Variants in RETREG1 observed in about 807,000 individuals in gnomAD.
RETREG1 encodes reticulophagy regulator 1, also known as family with sequence similarity 134 member B.
A neutral mutation model predicts 54.8 loss-of-function variants in RETREG1; 44 were observed. That is an observed-to-expected ratio of 0.80 (90% CI 0.63 to 1.03). The LOEUF (loss-of-function observed/expected upper bound fraction) is 1.03. Among genes scored for constraint, RETREG1 ranks in the 50% least tolerant of loss-of-function variants. The probability of loss-of-function intolerance (pLI) is 0.00; values close to 1 mark genes in which losing one functional copy is unlikely to be tolerated. For missense variants in RETREG1, 554 were observed against 605.1 expected (o/e 0.92, Z 0.89); for synonymous variants, 217 against 238.5 (o/e 0.91, Z 0.83).
intron 3 of RETREG1, among the ~76,000 whole-genome samples, chr5:16,512,889 G>A (rs1186918131): frequency 1.3e-5 from 2 of 152,084 alleles, no homozygotes; most frequent in South Asian, 2.1e-4. Flanking sequence ...GCCAGAAACG[G>A]GATTCAAAGT....
rs182364763 is a variant in RETREG1 at position 16,478,023 on chromosome 5, A to G, written c.873+11T>C. ...CACACAGGAACAAATTGAAAACTAA[A>G]CAAAAAATACCTTAGGACAAAGAGC... On this transcript the variant is annotated intron_variant, in intron 7 of 8. Coordinates refer to ENST00000306320, the MANE Select transcript of RETREG1 (RefSeq NM_001034850.3). 2.4e-5 allele frequency: 38 copies of G among 1,600,698 alleles called. No individual in the cohort carries two copies. In the East Asian group the frequency reaches 8.0e-4, roughly 34 times the overall value.
At chr5:16,478,786 T>G in intron 6 of RETREG1, 64 bp downstream of exon 6, 1 of 1,481,532 alleles carries the variant, frequency 6.7e-7, no homozygotes, top group Non-Finnish European at 9.4e-7. Flanking sequence ...TTAAAGAATT[T>G]CCTAAAAATA....
intron 3 of RETREG1, among the ~76,000 whole-genome samples, chr5:16,540,375 G>T (rs970026963): frequency 1.3e-5 from 2 of 152,198 alleles, no homozygotes; most frequent in African/African-American, 4.8e-5. Context: ...GTGGGCTAAT[G>T]TCACACAGGA....
chr5:16,549,022 C>G (rs1163134335), intron 3 of RETREG1, among the ~76,000 whole-genome samples: 1 of 152,230 alleles, frequency 6.6e-6, no homozygotes, highest in African/African-American at 2.4e-5. Flanking sequence ...CCTGTCCAAG[C>G]AGCCTCATCA....
intron 1 of RETREG1, among the ~76,000 whole-genome samples, chr5:16,574,302 C>G (rs781325209): frequency 1.3e-5 from 2 of 152,020 alleles, no homozygotes; most frequent in African/African-American, 2.4e-5. Context: ...AAGCAGAATG[C>G]GCAGTAAGTC....
At chr5:16,521,609 T>C (rs1740536735) in intron 3 of RETREG1, among the ~76,000 whole-genome samples, 1 of 152,212 alleles carries the variant, frequency 6.6e-6, no homozygotes, top group Non-Finnish European at 1.5e-5. Flanking sequence ...CAGAGGTCTT[T>C]GTGGATAGTA....
intron 8 of RETREG1, among the ~76,000 whole-genome samples, chr5:16,476,145 A>C (rs1738528309): frequency 6.6e-6 from 1 of 152,172 alleles, no homozygotes; most frequent in African/African-American, 2.4e-5. Context: ...AAGGTGAGGA[A>C]ATTGAGATCC....
In RETREG1 at chr5:16,576,542, A is replaced by G. The variant is rs1579700717; in HGVS notation, c.321-4440T>C. The stretch of plus-strand genomic sequence containing the variant: ...CTCTTGTTGCCCAGGCTGGAGTGCA[A>G]TGGCACGATCTCGGCTCACCGCAAC... On this transcript the variant is annotated intron_variant, in intron 1 of 8. Transcript: ENST00000306320. Among the ~76,000 whole-genome samples, 6 of 151,298 alleles carry G rather than the reference A, an allele frequency of 4.0e-5. No homozygotes were observed. The South Asian group carries it at 1.3e-3, about 32-fold the overall frequency.
At chr5:16,482,820 C>G (rs1208959490) in intron 4 of RETREG1, among the ~76,000 whole-genome samples, 1 of 152,108 alleles carries the variant, frequency 6.6e-6, no homozygotes, top group Non-Finnish European at 1.5e-5. Flanking sequence ...ACACTTCCCC[C>G]TCATGGGTTT....
In RETREG1 at chr5:16,597,782, G is replaced by A. The variant is rs1183554137; in HGVS notation, c.320+18870C>T. ...CAAAGAACCAATCACATCAGTGCCA[G>A]GGGTTGTTTGTAATGGCCCGTCAGT... On this transcript the variant is annotated intron_variant, in intron 1 of 8. Coordinates refer to ENST00000306320, the MANE Select transcript of RETREG1 (RefSeq NM_001034850.3). This position sits in a 1 kb window ranked among gnomAD's most constrained non-coding sequence, Gnocchi z 4.3. Among the ~76,000 whole-genome samples the A allele has an allele frequency of 1.3e-5, 2 of 152,150 alleles. No homozygotes were observed. Among genetic ancestry groups the A allele is most frequent in the Admixed American group, 6.5e-5 (1 of 15,284 alleles).
chr5:16,517,062 A>C (rs1325788156), intron 3 of RETREG1, among the ~76,000 whole-genome samples: 1 of 152,236 alleles, frequency 6.6e-6, no homozygotes, highest in Non-Finnish European at 1.5e-5. Flanking sequence ...GAGCATGGGA[A>C]CGAGGAGGAA....
chr5:16,559,725 C>G (rs776130437), intron 3 of RETREG1, among the ~76,000 whole-genome samples: 5 of 152,182 alleles, frequency 3.3e-5, no homozygotes, highest in Non-Finnish European at 4.4e-5. Flanking sequence ...CCTGGCCAAA[C>G]TGAAAACAGT....
intron 7 of RETREG1, 27 bp from the exon 8 acceptor site, chr5:16,477,815 G>C (rs73042393): frequency 5.6e-6 from 9 of 1,612,506 alleles, no homozygotes; most frequent in Non-Finnish European, 7.6e-6. Context: ...AAATACCAGC[G>C]GCACATTTTA....
At chr5:16,537,697 C>T (rs1741118451) in intron 3 of RETREG1, among the ~76,000 whole-genome samples, 1 of 152,044 alleles carries the variant, frequency 6.6e-6, no homozygotes, top group Admixed American at 6.5e-5. Flanking sequence ...ACTCTGTCCC[C>T]ACCCAAAACA....
At chr5:16,558,650 G>C (rs554438298) in intron 3 of RETREG1, among the ~76,000 whole-genome samples, 2 of 152,292 alleles carry the variant, frequency 1.3e-5, no homozygotes, top group South Asian at 4.1e-4. Flanking sequence ...ACAAGGTCCA[G>C]GTACAAGATT....
At chr5:16,578,396 T>A (rs1742393693) in intron 1 of RETREG1, among the ~76,000 whole-genome samples, 1 of 152,266 alleles carries the variant, frequency 6.6e-6, no homozygotes, top group Non-Finnish European at 1.5e-5. Flanking sequence ...GTTTTAAGTT[T>A]GTAATTTTAT....
chr5:16,479,091 GT>G (rs1200913492), intron 5 of RETREG1, 104 bp from the exon 6 acceptor site: 5 of 1,118,950 alleles, frequency 4.5e-6, no homozygotes, highest in Non-Finnish European at 6.5e-6. Context: ...AAAAACTTAA[GT>G]TTTTTTAAGG....
At chr5:16,577,303 T>TCC (rs1181836322) in intron 1 of RETREG1, among the ~76,000 whole-genome samples, 97 of 143,426 alleles carry the variant, frequency 6.8e-4, no homozygotes, top group African/African-American at 2.4e-3. Context: ...TTTTTTTTTT[T>TCC]CCCTCTAAAA....
intron 3 of RETREG1, among the ~76,000 whole-genome samples, chr5:16,521,134 G>A (rs1049549129): frequency 6.6e-6 from 1 of 152,112 alleles, no homozygotes; most frequent in African/African-American, 2.4e-5. Flanking sequence ...ACCTGGAACT[G>A]GTTTTATTCC....
Sources: gnomAD v4.1 joint callset for allele counts (sites outside exome capture counted in the v4.1 genomes callset) on GRCh38, gnomAD v4.1.1 for gene constraint, Gnocchi (gnomAD v3.1) non-coding constraint, MANE v1.5 for transcripts, NCBI Gene and HGNC (gene_info 2026-07-23, HGNC 2026-07-21) for gene names.